The following KIF17 variants were observed in gnomAD, a reference collection of about 807,000 sequenced individuals.
KIF17 encodes kinesin family member 17.
A neutral mutation model predicts 96.8 loss-of-function variants in KIF17; 80 were observed. The ratio of observed to expected loss-of-function variants is 0.83; its 90% CI spans 0.69 to 1.00. The LOEUF (loss-of-function observed/expected upper bound fraction) is 1.00, where lower values mean the gene tolerates loss of function less well. KIF17 is among the 50% of genes least tolerant of loss of function. The pLI is 0.00. For synonymous variants in KIF17, 567 were observed against 587.5 expected (o/e 0.97, Z 0.51); for missense variants, 1,280 against 1,372.9 (o/e 0.93, Z 1.07).
intron 7 of KIF17, 31 bp downstream of exon 7, chr1:20,690,157 G>A (rs938438439): frequency 9.3e-6 from 15 of 1,613,566 alleles, no homozygotes; most frequent in African/African-American, 2.7e-5. Context: ...ACCTTCCCTG[G>A]AGACAGCCTC....
chr1:20,691,011 A>T (rs1177639069), intron 6 of KIF17, among the ~76,000 whole-genome samples: 1 of 151,618 alleles, frequency 6.6e-6, no homozygotes, highest in African/African-American at 2.4e-5. Context: ...TTTTAAAAAA[A>T]TTTTGTAGGC....
intron 10 of KIF17, 42 bp from the exon 11 acceptor site, chr1:20,682,926 C>T (rs2053858496): frequency 1.9e-6 from 3 of 1,552,218 alleles, no homozygotes; most frequent in Non-Finnish European, 1.8e-6. Context: ...AATATCTGCC[C>T]ATCACCGAGC....
chr1:20,704,682 C>T lies in KIF17; in HGVS notation c.888G>A (p.Leu296=). Residue 296 remains leucine (L), a synonymous_variant, in exon 5 of 15, where the codon CTG becomes CTA. Transcript: ENST00000400463. This position sits in a 1 kb window ranked among gnomAD's most constrained non-coding sequence, Gnocchi z 6.8. ...PYRDSKLTRL[L]QDSLGGNTKT... ...TGGTGTTGCCGCCCAGTGAGTCCTG[C>T]AGCAGCCGCGTCAGCTTCGAGTCAC... is the stretch of plus-strand genomic sequence containing the variant. 1 of 1,614,120 alleles carries T rather than the reference C, an allele frequency of 6.2e-7. No individual in the cohort carries two copies. Among genetic ancestry groups the T allele is most frequent in the Admixed American group, 1.7e-5 (1 of 60,028 alleles).
intron 8 of KIF17, 140 bp from the exon 9 acceptor site, chr1:20,686,266 G>A: frequency 2.7e-6 from 2 of 730,484 alleles, no homozygotes; most frequent in Non-Finnish European, 4.9e-6. Context: ...ACTCCCGAGA[G>A]AAGGAGCACA....
intron 6 of KIF17, among the ~76,000 whole-genome samples, chr1:20,696,808 G>C (rs2054149050): frequency 6.6e-6 from 1 of 152,120 alleles, no homozygotes; most frequent in African/African-American, 2.4e-5. Context: ...ACAGCAGGCT[G>C]ACTTCTCTGG....
downstream of KIF17, among the ~76,000 whole-genome samples, chr1:20,662,462 C>G (rs995039501): frequency 5.9e-5 from 9 of 152,146 alleles, no homozygotes; most frequent in African/African-American, 2.2e-4. Context: ...AAATCAAAAC[C>G]TCCCTCCATA....
At position 20,690,352 on chromosome 1, in the gene KIF17, G is replaced by GGGGGGCCC; in HGVS notation, c.1234-18_1234-17insGGGCCCCC. ...TTCATACTCCTGGGGGGGTGGGAGG[G>GGGGGGCCC]ACCAGAGGGCAGGCAGCATTTTATC... On this transcript the variant is annotated splice_polypyrimidine_tract_variant and intron_variant, in intron 6 of 14. Coordinates refer to ENST00000400463, the MANE Select transcript of KIF17 (RefSeq NM_001122819.3). 1 of 451,174 alleles carries GGGGGGCCC rather than the reference G, an allele frequency of 2.2e-6. No homozygotes were observed. Among genetic ancestry groups the GGGGGGCCC allele is most frequent in the Non-Finnish European group, 4.3e-6 (1 of 235,152 alleles). 27.9% of individuals were successfully genotyped at this position (451,174 alleles called of 1,614,324 possible).
intron 6 of KIF17, among the ~76,000 whole-genome samples, chr1:20,695,709 C>G (rs946105344): frequency 6.6e-6 from 1 of 152,162 alleles, no homozygotes; most frequent in Non-Finnish European, 1.5e-5. Flanking sequence ...TCTGAACCCA[C>G]GCCACCCAGC....
At chr1:20,669,583 TA>T (rs1229288863) in intron 13 of KIF17, among the ~76,000 whole-genome samples, 1 of 133,750 alleles carries the variant, frequency 7.5e-6, no homozygotes, top group Non-Finnish European at 1.6e-5. Flanking sequence ...TAAAATAAAA[TA>T]AAATAGAGGC....
rs753693710 is a variant in KIF17, at chr1:20,717,733, C to T, written c.-27G>A. On this transcript the variant is annotated 5_prime_UTR_variant, in exon 1 of 15. Coordinates refer to ENST00000400463, the MANE Select transcript of KIF17 (RefSeq NM_001122819.3). Reference sequence around the variant, plus strand: ...GCGCCGCGCCCAGGACCAACGGGACCAGAGCTGACCCCCGCCCCGCCGGGG... The same window carrying T: ...GCGCCGCGCCCAGGACCAACGGGACTAGAGCTGACCCCCGCCCCGCCGGGG... The T allele has an allele frequency of 2.0e-6, 3 of 1,529,762 alleles. No homozygotes were observed. The highest frequency in any genetic ancestry group is 2.8e-5 in the African/African-American group (2 of 71,234). The allele number at this position is 1,529,762 out of a possible 1,614,324, so 94.8% of individuals were successfully genotyped here.
At chr1:20,668,548 A>G (rs982111169) in intron 13 of KIF17, among the ~76,000 whole-genome samples, 5 of 152,216 alleles carry the variant, frequency 3.3e-5, no homozygotes, top group Admixed American at 6.5e-5. Flanking sequence ...GAAGCTGCCA[A>G]TCAAGCTCTA....
intron 6 of KIF17, among the ~76,000 whole-genome samples, chr1:20,692,327 C>G (rs150422994): frequency 0.017 from 2,556 of 151,278 alleles, 32 homozygotes; most frequent in Non-Finnish European, 0.027. Flanking sequence ...TGCTCCCTGT[C>G]CCTTCCTCTA....
Position 20,709,838 on chromosome 1 carries a change from G to A in KIF17, c.481-10C>T. 1 of 1,599,106 alleles carries A rather than the reference G, an allele frequency of 6.3e-7. No individual in the cohort carries two copies. The highest frequency in any genetic ancestry group is 1.1e-5 in the South Asian group (1 of 89,534). On this transcript the variant is annotated splice_polypyrimidine_tract_variant and intron_variant, in intron 3 of 14. Coordinates refer to ENST00000400463, the MANE Select transcript of KIF17 (RefSeq NM_001122819.3). The surrounding 1 kb of genome is among the most constrained non-coding windows in gnomAD (Gnocchi z 4.7). Reference sequence around the variant, plus strand: ...CTGGGTGCTCCTTCAGCTGAGGGAGGAGGAACAGTCAGGGGCGGAACCTCC... The same window carrying A: ...CTGGGTGCTCCTTCAGCTGAGGGAGAAGGAACAGTCAGGGGCGGAACCTCC...
chr1:20,715,690 G>A (rs777262578), intron 1 of KIF17, 51 bp from the exon 2 acceptor site: 2 of 1,608,520 alleles, frequency 1.2e-6, no homozygotes, highest in Middle Eastern at 3.3e-4. Context: ...GGCACAGCAG[G>A]GCTCGGGACA....
chr1:20,708,320 T>C (rs147014230), intron 4 of KIF17, among the ~76,000 whole-genome samples: 1 of 152,182 alleles, frequency 6.6e-6, no homozygotes, highest in East Asian at 1.9e-4. Context: ...GGAGGTTCCA[T>C]CTACTCAGGC....
Position 20,684,914 on chromosome 1 carries a change from G to A in KIF17, c.2126C>T (p.Pro709Leu), listed in dbSNP as rs763152449. 1.3e-6 allele frequency: 2 copies of A among 1,595,496 alleles called. No homozygotes were observed. Among genetic ancestry groups the A allele is most frequent in the South Asian group, 1.1e-5 (1 of 88,328 alleles). Residue 709 changes from proline (P) to leucine (L), a missense_variant, in exon 10 of 15, where the codon CCC becomes CTC. Transcript: ENST00000400463. ...APVALVAQPE[P>L]LPATAGVKRE... Reference sequence around the variant, plus strand: ...CTTCACACCAGCTGTGGCCGGCAGGGGCTCAGGCTGAGCCACCAGGGCCAC... The same window carrying A: ...CTTCACACCAGCTGTGGCCGGCAGGAGCTCAGGCTGAGCCACCAGGGCCAC...
rs2054397057 is a variant in KIF17 at position 20,709,405 on chromosome 1, G to A, written c.670+234C>T. 1.3e-5 allele frequency among the ~76,000 whole-genome samples: 2 copies of A among 152,264 alleles called. No individual in the cohort carries two copies. Among genetic ancestry groups the A allele is most frequent in the South Asian group, 2.1e-4 (1 of 4,816 alleles). Reference sequence around the variant, plus strand: ...AAAAACAAATAAATAAATAAAAATTGTCTGGCACACAGTGAGCGCTCAATG... The same window carrying A: ...AAAAACAAATAAATAAATAAAAATTATCTGGCACACAGTGAGCGCTCAATG... On this transcript the variant is annotated intron_variant, in intron 4 of 14. Coordinates refer to ENST00000400463, the MANE Select transcript of KIF17 (RefSeq NM_001122819.3). This position sits in a 1 kb window ranked among gnomAD's most constrained non-coding sequence, Gnocchi z 4.7.
downstream of KIF17, among the ~76,000 whole-genome samples, chr1:20,662,098 G>A (rs932561802): frequency 6.6e-6 from 1 of 152,256 alleles, no homozygotes. Flanking sequence ...GACTAAGGAC[G>A]AGGTCCAGCT....
chr1:20,692,445 A>G (rs2054056693), intron 6 of KIF17, among the ~76,000 whole-genome samples: 1 of 151,286 alleles, frequency 6.6e-6, no homozygotes, highest in Admixed American at 6.6e-5. Context: ...GGTTCAAGTG[A>G]TTCTCCTGAT....
Sources: allele counts gnomAD v4.1 joint callset (sites outside exome capture counted in the v4.1 genomes callset), GRCh38; gene constraint gnomAD v4.1.1; non-coding constraint Gnocchi (gnomAD v3.1); transcripts MANE v1.5; gene names NCBI Gene and HGNC (gene_info 2026-07-23, HGNC 2026-07-21).